Variants in GPC3 observed in about 807,000 individuals in gnomAD.
GPC3 encodes the protein glypican-3.
GPC3 carries 3 observed loss-of-function variants against 34.4 expected under a neutral mutation model. The ratio of observed to expected loss-of-function variants is 0.09; its 90% CI spans 0.04 to 0.23. The LOEUF is 0.23. Ranked by LOEUF, GPC3 falls within the 10% of genes least tolerant of loss-of-function variation. The pLI is 1.00. For synonymous variants in GPC3, 177 were observed against 174.0 expected (o/e 1.02, Z -0.13); for missense variants, 351 against 445.6 (o/e 0.79, Z 1.91).
intron 2 of GPC3, among the ~76,000 whole-genome samples, chrX:133,824,012 A>C (rs746197951): frequency 9.1e-6 from 1 of 109,302 alleles, no homozygotes; most frequent in Admixed American, 9.9e-5. Flanking sequence ...TGTGAAAAGT[A>C]AAGTGTGTAT....
intron 2 of GPC3, among the ~76,000 whole-genome samples, chrX:133,818,867 A>T (rs1227913884): frequency 9.1e-6 from 1 of 110,265 alleles, no homozygotes; most frequent in Non-Finnish European, 1.9e-5. Flanking sequence ...CTGTGCCATG[A>T]CCCCAAACCA....
At chrX:133,667,540 C>T (rs983515922) in intron 5 of GPC3, among the ~76,000 whole-genome samples, 1 of 111,582 alleles carries the variant, frequency 9.0e-6, no homozygotes, top group African/African-American at 3.3e-5. Flanking sequence ...ACCAAGTCAA[C>T]TTTGTTAGGT....
At chrX:133,742,045 C>T (rs751758809) in intron 3 of GPC3, among the ~76,000 whole-genome samples, 1 of 112,696 alleles carries the variant, frequency 8.9e-6, no homozygotes, top group South Asian at 3.7e-4. Flanking sequence ...CTAGCGATAA[C>T]TTTGCTAATG....
chrX:133,696,582 A>T lies in GPC3; in HGVS notation c.1166+3313T>A, dbSNP rs767522961. ...TAAGTGACATGTTAATTACCCATGT[A>T]TGACACAGTCCAGATTTTTTTCCTT... On this transcript the variant is annotated intron_variant, in intron 4 of 7. Transcript: ENST00000370818. Among the ~76,000 whole-genome samples, 13 of 112,626 alleles carry T rather than the reference A, an allele frequency of 1.2e-4. No individual in the cohort carries two copies. In the South Asian group the frequency reaches 4.8e-3, roughly 42 times the overall value.
intron 1 of GPC3, among the ~76,000 whole-genome samples, chrX:133,953,897 G>C (rs2076404032): frequency 8.9e-6 from 1 of 111,842 alleles, no homozygotes. Flanking sequence ...AATGTCAAAA[G>C]GTGATAAATA....
In GPC3 at chrX:133,788,118, ATATATG is replaced by A. The variant is rs1457737021; in HGVS notation, c.338-33948_338-33943del. On this transcript the variant is annotated intron_variant, in intron 2 of 7. Transcript: ENST00000370818. ...TATATATATATATATATATATATAT[ATATATG>A]TATGTATATATATGATACAGAAATA... is the stretch of plus-strand genomic sequence containing the variant. Among the ~76,000 whole-genome samples, 107 of 79,012 alleles carry A rather than the reference ATATATG, an allele frequency of 1.4e-3. 1 individual carries two copies. The highest frequency in any genetic ancestry group is 5.7e-3 in the African/African-American group (103 of 18,204). The allele number at this position is 79,012 out of a possible 115,157, so 68.6% of individuals were successfully genotyped here. A position where few individuals can be genotyped will look rare whatever the true frequency, so the allele number is the denominator to read the frequency against.
chrX:133,947,463 C>A, intron 2 of GPC3, among the ~76,000 whole-genome samples: 1 of 110,968 alleles, frequency 9.0e-6, no homozygotes, highest in Middle Eastern at 4.7e-3. Context: ...TAATGACTGA[C>A]TTCTAAATCA....
At chrX:133,928,541 C>T (rs1314099256) in intron 2 of GPC3, among the ~76,000 whole-genome samples, 2 of 111,844 alleles carry the variant, frequency 1.8e-5, no homozygotes, top group African/African-American at 6.5e-5. Context: ...CACCAATCTA[C>T]ATTTCCATCA....
intron 7 of GPC3, among the ~76,000 whole-genome samples, chrX:133,588,270 C>T (rs1306135357): frequency 6.3e-5 from 7 of 111,005 alleles, no homozygotes. Flanking sequence ...GGTAAAACTG[C>T]CATAATTTAT....
intron 2 of GPC3, among the ~76,000 whole-genome samples, chrX:133,864,361 A>C (rs2075956836): frequency 8.9e-6 from 1 of 111,738 alleles, no homozygotes; most frequent in African/African-American, 3.3e-5. Flanking sequence ...CCCATCATAG[A>C]ATTAGGAAAG....
intron 2 of GPC3, among the ~76,000 whole-genome samples, chrX:133,850,105 C>G (rs746661507): frequency 2.7e-5 from 3 of 110,212 alleles, no homozygotes; most frequent in African/African-American, 6.6e-5. Flanking sequence ...AACTTTAAGG[C>G]CCAAGATACT....
chrX:133,880,450 T>C (rs759232014), intron 2 of GPC3, among the ~76,000 whole-genome samples: 1 of 112,090 alleles, frequency 8.9e-6, no homozygotes, highest in South Asian at 3.7e-4. Flanking sequence ...ATCAAAGATC[T>C]AGAGGCAGCA....
At position 133,637,134 on chromosome X, in the gene GPC3, T is replaced by C. The variant is rs755696956; in HGVS notation, c.1413+24596A>G. The stretch of plus-strand genomic sequence containing the variant: ...AAGACAGGTGCACTGGTCCTTGTAG[T>C]ATAGGGTGATGAAAATCAAGTGGGA... On this transcript the variant is annotated intron_variant, in intron 6 of 7. Transcript: ENST00000370818. Among the ~76,000 whole-genome samples the C allele has an allele frequency of 8.1e-5, 9 of 111,533 alleles. No homozygotes were observed. In the Admixed American group the frequency reaches 8.6e-4, roughly 11 times the overall value.
At chrX:133,701,322 A>G (rs1033588730) in intron 3 of GPC3, among the ~76,000 whole-genome samples, 1 of 111,763 alleles carries the variant, frequency 8.9e-6, no homozygotes, top group African/African-American at 3.3e-5. Flanking sequence ...CATTTTAGAG[A>G]TGAGGAAATT....
rs1166075641 is a variant in GPC3, at chrX:133,558,299, T to TG, written c.1574-22007_1574-22006insC. Among the ~76,000 whole-genome samples the TG allele has an allele frequency of 1.3e-4, 14 of 108,067 alleles. No homozygotes were observed. In the South Asian group the frequency reaches 2.1e-3, roughly 16 times the overall value. 93.8% of individuals were successfully genotyped at this position (108,067 alleles called of 115,157 possible). A position where few individuals can be genotyped will look rare whatever the true frequency, so the allele number is the denominator to read the frequency against. ...AGGCTCCCTTTTCAATTTGGGCTTT[T>TG]TTTTTTTTTCTTTGTCTCATTTTTC... is the stretch of plus-strand genomic sequence containing the variant. On this transcript the variant is annotated intron_variant, in intron 7 of 7. Coordinates refer to ENST00000370818, the MANE Select transcript of GPC3 (RefSeq NM_004484.4).
At chrX:133,965,595 T>C (rs1228636639) in intron 1 of GPC3, among the ~76,000 whole-genome samples, 1 of 111,456 alleles carries the variant, frequency 9.0e-6, no homozygotes, top group Non-Finnish European at 1.9e-5. Context: ...GACCCATTGA[T>C]TTTGGACTTC....
chrX:133,709,455 T>C (rs1005690749), intron 3 of GPC3, among the ~76,000 whole-genome samples: 1 of 111,988 alleles, frequency 8.9e-6, no homozygotes, highest in African/African-American at 3.2e-5. Flanking sequence ...TCTTGAATCA[T>C]CTATCATACC....
At chrX:133,627,872 G>C (rs1043170544) in intron 6 of GPC3, among the ~76,000 whole-genome samples, 2 of 112,195 alleles carry the variant, frequency 1.8e-5, no homozygotes, top group African/African-American at 6.5e-5. Context: ...TATGGGCTAA[G>C]GCTATAGGAA....
chrX:133,705,652 A>G (rs1163201414), intron 3 of GPC3, among the ~76,000 whole-genome samples: 1 of 112,280 alleles, frequency 8.9e-6, no homozygotes, highest in Non-Finnish European at 1.9e-5. Flanking sequence ...GTTCTGTCAC[A>G]GGCATAGGCT....
Sources: gnomAD v4.1 joint callset for allele counts (sites outside exome capture counted in the v4.1 genomes callset) on GRCh38, gnomAD v4.1.1 for gene constraint, MANE v1.5 for transcripts, NCBI Gene and HGNC (gene_info 2026-07-23, HGNC 2026-07-21) for gene names.